PLCXD3: variants seen among roughly 807,000 people sequenced by gnomAD.
PLCXD3 encodes phosphatidylinositol specific phospholipase C X domain containing 3.
A neutral mutation model predicts 25.5 loss-of-function variants in PLCXD3; 19 were observed. That is an observed-to-expected ratio of 0.75 (90% CI 0.52 to 1.09). The LOEUF (loss-of-function observed/expected upper bound fraction) is 1.09, where lower values mean the gene tolerates loss of function less well. Among genes scored for constraint, PLCXD3 ranks in the 50% least tolerant of loss-of-function variants. PLCXD3 has a pLI of 0.00. For missense variants in PLCXD3, 411 were observed against 388.1 expected (o/e 1.06, Z -0.50); for synonymous variants, 174 against 137.6 (o/e 1.26, Z -1.85).
intron 2 of PLCXD3, among the ~76,000 whole-genome samples, chr5:41,366,186 C>A (rs113291252): frequency 0.04 from 6,140 of 151,906 alleles, 422 homozygotes; most frequent in African/African-American, 0.14. Flanking sequence ...TGAGAACATG[C>A]GCCCCACCTC....
Position 41,382,166 on chromosome 5 carries a change from G to A in PLCXD3, c.472C>T (p.Leu158=). 6.2e-7 allele frequency: 1 copy of A among 1,613,728 alleles called. No individual in the cohort carries two copies. The highest frequency in any genetic ancestry group is 8.5e-7 in the Non-Finnish European group (1 of 1,179,768). Residue 158 remains leucine (L), a synonymous_variant, in exon 2 of 3, where the codon CTG becomes TTG. Transcript: ENST00000377801. The part of the protein sequence containing the change: ...YGMQKYHHEK[L]VQMLKDIYGN... ...TAGATGTCTTTCAGCATTTGGACCA[G>A]TTTTTCATGGTGATATTTCTGCATC...
chr5:41,370,957 C>T (rs1392321105), intron 2 of PLCXD3, among the ~76,000 whole-genome samples: 1 of 152,124 alleles, frequency 6.6e-6, no homozygotes, highest in African/African-American at 2.4e-5. Context: ...CCCCTTCTCT[C>T]CATCATCTGG....
intron 1 of PLCXD3, among the ~76,000 whole-genome samples, chr5:41,486,848 G>T (rs1376030853): frequency 6.6e-6 from 1 of 152,130 alleles, no homozygotes; most frequent in East Asian, 1.9e-4. Context: ...TGAGAAAATA[G>T]CACCTCAGAG....
In PLCXD3 at chr5:41,312,219, G is replaced by T. The variant is rs1252481621; in HGVS notation, c.*1398C>A. 3 of 152,394 alleles carry T rather than the reference G, an allele frequency of 2.0e-5. No individual in the cohort carries two copies. Among genetic ancestry groups the T allele is most frequent in the African/African-American group, 7.2e-5 (3 of 41,382 alleles). The allele number at this position is 152,394 out of a possible 1,614,324, so 9.4% of individuals were successfully genotyped here. On this transcript the variant is annotated 3_prime_UTR_variant, in exon 3 of 3. Coordinates refer to ENST00000377801, the MANE Select transcript of PLCXD3 (RefSeq NM_001005473.3). ...TTAAACGTTAGGTTGCAGAAACTTT[G>T]TGTGAAACTTTTGCCTCTGCCTTAA... is the stretch of plus-strand genomic sequence containing the variant.
intron 1 of PLCXD3, among the ~76,000 whole-genome samples, chr5:41,400,573 A>C (rs984518510): frequency 2.6e-5 from 4 of 152,084 alleles, no homozygotes; most frequent in African/African-American, 9.7e-5. Context: ...ATGTTGCATG[A>C]AATAAGCTGG....
At chr5:41,431,419 C>G (rs2925729) in intron 1 of PLCXD3, among the ~76,000 whole-genome samples, 139,691 of 152,266 alleles carry the variant, frequency 0.92, 64,478 homozygotes, top group African/African-American at 0.94. Flanking sequence ...GTATTACTTA[C>G]TGATGACTTT....
rs910131406 is a variant in PLCXD3 at position 41,311,659 on chromosome 5, G to A, written c.*1958C>T. The A allele has an allele frequency of 6.6e-6, 1 of 152,028 alleles. No individual in the cohort carries two copies. Among genetic ancestry groups the A allele is most frequent in the African/African-American group, 2.4e-5 (1 of 41,420 alleles). The allele number at this position is 152,028 out of a possible 1,614,324, so 9.4% of individuals were successfully genotyped here. A position where few individuals can be genotyped will look rare whatever the true frequency, so the allele number is the denominator to read the frequency against. ...CACACATTTTTGTGTGTACATGTAT[G>A]CTATTTGGTATACCACAGGTACATA... On this transcript the variant is annotated 3_prime_UTR_variant, in exon 3 of 3. Coordinates refer to ENST00000377801, the MANE Select transcript of PLCXD3 (RefSeq NM_001005473.3).
intron 1 of PLCXD3, among the ~76,000 whole-genome samples, chr5:41,441,655 G>A (rs1487433055): frequency 6.6e-6 from 1 of 152,116 alleles, no homozygotes; most frequent in East Asian, 1.9e-4. Flanking sequence ...TTTTAAGGTA[G>A]CTTTTTGATT....
At chr5:41,449,624 C>G (rs1239331643) in intron 1 of PLCXD3, among the ~76,000 whole-genome samples, 1 of 152,116 alleles carries the variant, frequency 6.6e-6, no homozygotes, top group Non-Finnish European at 1.5e-5. Context: ...GTAAAGTACA[C>G]TGATAAGCAG....
In PLCXD3 at chr5:41,455,102, C is replaced by T. The variant is rs117164687; in HGVS notation, c.103+55322G>A. On this transcript the variant is annotated intron_variant, in intron 1 of 2. Transcript: ENST00000377801. ...TGATTCAACCACCTCCACCTGGTCT[C>T]TCCCTTGGTACATGAGGATCATGGT... Among the ~76,000 whole-genome samples the T allele has an allele frequency of 3.2e-4, 49 of 152,010 alleles. No individual in the cohort carries two copies. In the East Asian group the frequency reaches 8.2e-3, roughly 25 times the overall value.
At chr5:41,359,508 G>A (rs1744715762) in intron 2 of PLCXD3, among the ~76,000 whole-genome samples, 1 of 151,974 alleles carries the variant, frequency 6.6e-6, no homozygotes, top group Non-Finnish European at 1.5e-5. Flanking sequence ...TGCATACTAT[G>A]TACACCTTGT....
chr5:41,422,807 C>CT (rs950681644), intron 1 of PLCXD3, among the ~76,000 whole-genome samples: 1 of 151,758 alleles, frequency 6.6e-6, no homozygotes, highest in Non-Finnish European at 1.5e-5. Context: ...TTTTCTTTTG[C>CT]TTTTTTTGAT....
intron 1 of PLCXD3, among the ~76,000 whole-genome samples, chr5:41,454,619 T>C (rs1266852596): frequency 6.6e-6 from 1 of 151,902 alleles, no homozygotes; most frequent in Non-Finnish European, 1.5e-5. Context: ...TGCCTATCCT[T>C]CTAAGGAAGC....
At chr5:41,447,113 G>GGAGAATGGTTCTATTAA (rs1260246764) in intron 1 of PLCXD3, among the ~76,000 whole-genome samples, 3 of 152,142 alleles carry the variant, frequency 2.0e-5, no homozygotes, top group African/African-American at 7.2e-5. Flanking sequence ...AAAATAGGTT[G>GGAGAATGGTTCTATTAA]GAGAATGGTT....
intron 2 of PLCXD3, among the ~76,000 whole-genome samples, chr5:41,352,839 T>C (rs549761441): frequency 2.0e-5 from 3 of 152,272 alleles, no homozygotes; most frequent in East Asian, 3.9e-4. Context: ...AGAGTGGAGT[T>C]AATTACAAGA....
At chr5:41,403,404 T>G (rs1423035865) in intron 1 of PLCXD3, among the ~76,000 whole-genome samples, 3 of 34,648 alleles carry the variant, frequency 8.7e-5, no homozygotes, top group South Asian at 6.9e-4. Context: ...ATTTGTTGTT[T>G]TTTTTTTTTT....
chr5:41,369,460 T>C (rs319009), intron 2 of PLCXD3, among the ~76,000 whole-genome samples: 15,445 of 152,128 alleles, frequency 0.1, 891 homozygotes, highest in Non-Finnish European at 0.12. Flanking sequence ...TTAATAGCTT[T>C]TGTTTTTCAT....
intron 2 of PLCXD3, among the ~76,000 whole-genome samples, chr5:41,379,734 T>C (rs1745399161): frequency 6.6e-6 from 1 of 152,054 alleles, no homozygotes; most frequent in South Asian, 2.1e-4. Context: ...AGATCTTCAG[T>C]AAAATCTAAA....
At chr5:41,320,924 A>T (rs1027843147) in intron 2 of PLCXD3, among the ~76,000 whole-genome samples, 3 of 152,218 alleles carry the variant, frequency 2.0e-5, no homozygotes, top group Admixed American at 2.0e-4. Context: ...TCTTTTAAAA[A>T]ACTGGAAATA....
Sources: gnomAD v4.1 joint callset for allele counts (sites outside exome capture counted in the v4.1 genomes callset) on GRCh38, gnomAD v4.1.1 for gene constraint, MANE v1.5 for transcripts, NCBI Gene and HGNC (gene_info 2026-07-23, HGNC 2026-07-21) for gene names.